PCDHA6: variants seen among roughly 807,000 people sequenced by gnomAD.
PCDHA6 encodes the protein protocadherin alpha-6.
In PCDHA6, 55 loss-of-function variants were observed where a neutral mutation model predicts 60.3. The ratio of observed to expected loss-of-function variants is 0.91; its 90% confidence interval spans 0.73 to 1.14. The LOEUF (loss-of-function observed/expected upper bound fraction) is 1.14. Ranked by LOEUF, PCDHA6 falls within the 50% of genes most tolerant of loss-of-function variation. The pLI is 0.00. For synonymous variants in PCDHA6, 652 were observed against 557.9 expected, an observed-to-expected ratio of 1.17 and a Z score of -2.38; for missense variants, 1,327 against 1,256.5, an observed-to-expected ratio of 1.06 and a Z score of -0.85.
intron 1 of PCDHA6, among the ~76,000 whole-genome samples, chr5:140,878,435 A>G (rs1582436641): frequency 6.6e-6 from 1 of 152,242 alleles, no homozygotes; most frequent in African/African-American, 2.4e-5. Context: ...TAGATACTGT[A>G]CTATTCTTAT....
intron 1 of PCDHA6, among the ~76,000 whole-genome samples, chr5:140,833,473 A>T (rs1772481648): frequency 6.6e-6 from 1 of 152,222 alleles, no homozygotes; most frequent in African/African-American, 2.4e-5. Context: ...ATTTTAAAAG[A>T]AATAATACAA....
intron 1 of PCDHA6, among the ~76,000 whole-genome samples, chr5:140,975,246 G>T (rs1304794782): frequency 6.6e-6 from 1 of 152,136 alleles, no homozygotes; most frequent in Non-Finnish European, 1.5e-5. Context: ...TCCCTCTTAT[G>T]CTTCAGATCT....
At chr5:140,885,012 G>A (rs73793512) in intron 1 of PCDHA6, among the ~76,000 whole-genome samples, 2,131 of 152,234 alleles carry the variant, frequency 0.014, 45 homozygotes, top group African/African-American at 0.049. Flanking sequence ...GAGGCTAATC[G>A]TAATCTTAAA....
chr5:140,979,125 C>T (rs782380399), intron 2 of PCDHA6, 118 bp downstream of exon 2: 4 of 1,479,726 alleles, frequency 2.7e-6, no homozygotes, highest in African/African-American at 2.8e-5. Context: ...GGTACTTTGC[C>T]AGGAAAATGC....
chr5:140,893,106 C>T (rs1226663436), intron 1 of PCDHA6, among the ~76,000 whole-genome samples: 3 of 152,170 alleles, frequency 2.0e-5, no homozygotes, highest in African/African-American at 4.8e-5. Flanking sequence ...GATAATATTC[C>T]GTTGTGCATA....
In PCDHA6 at chr5:140,883,463, T is replaced by C. The variant is rs1028584234; in HGVS notation, c.2394+52978T>C. On this transcript the variant is annotated intron_variant, in intron 1 of 3. Transcript: ENST00000529310. ...GCCGCATGTCCCCTTCAAGCTGGTGTCCACCTACAAGAACTACTACTCATT... is the reference window on the plus strand; with the variant it reads ...GCCGCATGTCCCCTTCAAGCTGGTGCCCACCTACAAGAACTACTACTCATT... 44 of 1,614,040 alleles carry C rather than the reference T, an allele frequency of 2.7e-5. No individual in the cohort carries two copies. Among genetic ancestry groups the C allele is most frequent in the Non-Finnish European group, 3.6e-5 (42 of 1,180,048 alleles).
At chr5:140,838,195 A>T (rs1007938593) in intron 1 of PCDHA6, among the ~76,000 whole-genome samples, 4 of 149,564 alleles carry the variant, frequency 2.7e-5, no homozygotes, top group Non-Finnish European at 5.9e-5. Context: ...CTCACTGCAA[A>T]ATCCGCCTCT....
intron 1 of PCDHA6, among the ~76,000 whole-genome samples, chr5:140,938,918 A>T (rs2092265154): frequency 6.6e-6 from 1 of 152,006 alleles, no homozygotes; most frequent in Non-Finnish European, 1.5e-5. Flanking sequence ...CACGCACAAG[A>T]AATTGGCTTT....
chr5:140,900,432 C>T (rs782344144), intron 1 of PCDHA6, among the ~76,000 whole-genome samples: 1 of 152,178 alleles, frequency 6.6e-6, no homozygotes, highest in Non-Finnish European at 1.5e-5. Flanking sequence ...CACGTGCCAC[C>T]ACGGCCGGCT....
chr5:140,966,490 T>C lies in PCDHA6; in HGVS notation c.2395-12459T>C, dbSNP rs533525977. 6.2e-5 allele frequency: 27 copies of C among 438,082 alleles called. No individual in the cohort carries two copies. In the Admixed American group the frequency reaches 1.1e-3, roughly 18 times the overall value. The allele number at this position is 438,082 out of a possible 1,614,324, so 27.1% of individuals were successfully genotyped here. On this transcript the variant is annotated intron_variant, in intron 1 of 3. Coordinates refer to ENST00000529310, the MANE Select transcript of PCDHA6 (RefSeq NM_018909.4). ...CCTTCTGTTTCCTTTTCCCTCCCCC[T>C]GGAGCTGTAGCGGCAGCAGCAGCAG... is the stretch of plus-strand genomic sequence containing the variant.
chr5:140,911,849 T>C (rs536574096), intron 1 of PCDHA6, among the ~76,000 whole-genome samples: 4 of 152,314 alleles, frequency 2.6e-5, no homozygotes, highest in African/African-American at 9.6e-5. Flanking sequence ...AACTCCATCC[T>C]TAATAGTCTG....
At chr5:140,838,077 AGTGTGTGTGTGTGTGTGTGTGTGTGT>A (rs57130401) in intron 1 of PCDHA6, among the ~76,000 whole-genome samples, 3 of 80,664 alleles carry the variant, frequency 3.7e-5, no homozygotes, top group South Asian at 4.3e-4. Context: ...ATATATATAT[AGTGTGTGTGTGTGTGTGTGTGTGTGT>A]GTGTGTGTGT....
At chr5:140,913,166 GTTC>G (rs1273182839) in intron 1 of PCDHA6, among the ~76,000 whole-genome samples, 1 of 152,160 alleles carries the variant, frequency 6.6e-6, no homozygotes, top group Non-Finnish European at 1.5e-5. Flanking sequence ...ATTGGTATTA[GTTC>G]TTCTTTAAAT....
At chr5:140,870,654 C>A in intron 1 of PCDHA6, 2 of 1,612,562 alleles carry the variant, frequency 1.2e-6, no homozygotes, top group Non-Finnish European at 1.7e-6. Flanking sequence ...GCAAGGTGTA[C>A]GCGCTGCAGC....
chr5:140,983,704 A>T (rs1364816662), intron 3 of PCDHA6, among the ~76,000 whole-genome samples: 3 of 152,226 alleles, frequency 2.0e-5, no homozygotes, highest in Non-Finnish European at 4.4e-5. Flanking sequence ...AAATCCAAGT[A>T]TATCTAGCAC....
intron 1 of PCDHA6, chr5:140,852,935 G>A: frequency 1.6e-6 from 1 of 611,692 alleles, no homozygotes; most frequent in Non-Finnish European, 2.1e-6. Flanking sequence ...CTGGAGTGCA[G>A]TGGTGCCATC....
intron 3 of PCDHA6, among the ~76,000 whole-genome samples, chr5:141,002,081 G>T (rs1016567220): frequency 3.3e-5 from 5 of 152,220 alleles, no homozygotes; most frequent in South Asian, 2.1e-4. Flanking sequence ...GCCAAAGAAC[G>T]AGCAGTCCAG....
intron 1 of PCDHA6, chr5:140,856,200 T>C (rs1463727286): frequency 6.3e-7 from 1 of 1,597,908 alleles, no homozygotes; most frequent in Non-Finnish European, 8.6e-7. Flanking sequence ...GCGCAGGACC[T>C]GGGGCTGGAG....
chr5:140,829,239 G>A lies in PCDHA6; in HGVS notation c.1148G>A (p.Gly383Glu), dbSNP rs2150164534. 2 of 1,614,238 alleles carry A rather than the reference G, an allele frequency of 1.2e-6. No individual in the cohort carries two copies. Among genetic ancestry groups the A allele is most frequent in the East Asian group, 2.2e-5 (1 of 44,884 alleles). The change falls in exon 1 of 4, where the codon GGG becomes GAG. Residue 383 changes from glycine (G) to glutamate (E), a missense_variant. By Grantham distance (98) the Gly-to-Glu change is moderately conservative (BLOSUM62 -2). Transcript: ENST00000529310. ...SVNDLDSGANGQVNCSLTPHV... is the reference protein window; with the variant it reads ...SVNDLDSGANEQVNCSLTPHV... ...AACGACCTCGATTCAGGTGCCAACG[G>A]GCAGGTGAACTGCTCGCTGACGCCT...
Sources: gnomAD v4.1 joint callset for allele counts (sites outside exome capture counted in the v4.1 genomes callset) on GRCh38, gnomAD v4.1.1 for gene constraint, MANE v1.5 for transcripts, NCBI Gene and HGNC (gene_info 2026-07-23, HGNC 2026-07-21) for gene names.